Variants in YTHDF2 observed in about 807,000 individuals in gnomAD.
The protein encoded by YTHDF2 is YTH domain-containing family protein 2.
In YTHDF2, 2 loss-of-function variants were observed where a neutral mutation model predicts 50.4. The ratio of observed to expected loss-of-function variants is 0.04; its 90% confidence interval spans 0.02 to 0.12. The LOEUF (loss-of-function observed/expected upper bound fraction) is 0.12. YTHDF2 is among the 10% of genes least tolerant of loss of function. The pLI, the probability that YTHDF2 is intolerant of heterozygous loss-of-function variation, is 1.00. For synonymous variants in YTHDF2, 217 were observed against 255.6 expected, an observed-to-expected ratio of 0.85 and a Z score of 1.44; for missense variants, 483 against 722.6, an observed-to-expected ratio of 0.67 and a Z score of 3.80.
At chr1:28,758,260 G>A (rs2088064082) in intron 4 of YTHDF2, among the ~76,000 whole-genome samples, 1 of 152,028 alleles carries the variant, frequency 6.6e-6, no homozygotes, top group African/African-American at 2.4e-5. Context: ...TAGCTACCTG[G>A]GAGGCTGAGG....
chr1:28,737,228 C>A, intron 1 of YTHDF2, 81 bp downstream of exon 1: 1 of 1,477,312 alleles, frequency 6.8e-7, no homozygotes. Flanking sequence ...CGCTCCTGGG[C>A]AGGCCGAGCC....
intron 4 of YTHDF2, among the ~76,000 whole-genome samples, chr1:28,748,114 C>G (rs959492852): frequency 1.3e-5 from 2 of 148,582 alleles, no homozygotes; most frequent in African/African-American, 5.0e-5. Flanking sequence ...GGCGACAGAG[C>G]GAGACTCCAT....
chr1:28,768,785 T>C (rs2088259347), intron 4 of YTHDF2, 144 bp from the exon 5 acceptor site: 1 of 586,192 alleles, frequency 1.7e-6, no homozygotes, highest in East Asian at 3.3e-5. Flanking sequence ...TTTTTCTTTG[T>C]GGGGAATGTT....
chr1:28,740,499 T>A (rs537968196), intron 3 of YTHDF2: 1 of 152,338 alleles, frequency 6.6e-6, no homozygotes, highest in African/African-American at 2.4e-5. Flanking sequence ...TCTAGTTCAT[T>A]GTCTAGAGTA....
intron 4 of YTHDF2, among the ~76,000 whole-genome samples, chr1:28,755,840 T>A (rs1040730798): frequency 6.6e-6 from 1 of 152,152 alleles, no homozygotes; most frequent in Non-Finnish European, 1.5e-5. Flanking sequence ...TTAGGGTTGC[T>A]CAACCAGTAT....
Position 28,737,016 on chromosome 1 carries a change from C to T in YTHDF2, c.-105C>T. ...TGCGTCCGCCGAGGCCCCCGAGTGT[C>T]AGGGACAAAAGCCTCCGCCTGCTCC... On this transcript the variant is annotated 5_prime_UTR_variant, in exon 1 of 5. Coordinates refer to ENST00000373812, the MANE Select transcript of YTHDF2 (RefSeq NM_016258.3). 1 of 1,451,090 alleles carries T rather than the reference C, an allele frequency of 6.9e-7. No individual in the cohort carries two copies. Among genetic ancestry groups the T allele is most frequent in the Non-Finnish European group, 9.3e-7 (1 of 1,071,480 alleles). 89.9% of individuals were successfully genotyped at this position (1,451,090 alleles called of 1,614,324 possible). A position where few individuals can be genotyped will look rare whatever the true frequency, so the allele number is the denominator to read the frequency against.
At chr1:28,736,763 G>A (rs1346244193), upstream of YTHDF2, 2 of 292,224 alleles carry the variant, frequency 6.8e-6, no homozygotes, top group Non-Finnish European at 1.3e-5. Context: ...CGCAGCGGCC[G>A]GCCTCTCCCT....
intron 4 of YTHDF2, among the ~76,000 whole-genome samples, chr1:28,764,229 G>T (rs1303151028): frequency 1.3e-5 from 2 of 151,580 alleles, no homozygotes; most frequent in Non-Finnish European, 2.9e-5. Flanking sequence ...GGGATTACAG[G>T]CATGAGCCAC....
chr1:28,764,754 G>C (rs894561061), intron 4 of YTHDF2, among the ~76,000 whole-genome samples: 5 of 152,160 alleles, frequency 3.3e-5, no homozygotes. Context: ...TGTTGGCCAT[G>C]CTGGTCTCGA....
chr1:28,737,859 T>G, intron 2 of YTHDF2, 177 bp downstream of exon 2: 1 of 714,400 alleles, frequency 1.4e-6, no homozygotes, highest in Non-Finnish European at 2.3e-6. Context: ...GAACAGCTTT[T>G]TCGCTAACAA....
At chr1:28,741,803 C>T (rs2087781077) in intron 3 of YTHDF2, among the ~76,000 whole-genome samples, 1 of 152,064 alleles carries the variant, frequency 6.6e-6, no homozygotes, top group Non-Finnish European at 1.5e-5. Flanking sequence ...TTTTGTTATT[C>T]TTGTTTTATT....
At chr1:28,756,059 G>C (rs1311551064) in intron 4 of YTHDF2, among the ~76,000 whole-genome samples, 2 of 152,110 alleles carry the variant, frequency 1.3e-5, no homozygotes, top group Admixed American at 1.3e-4. Context: ...TGAAAGTTTT[G>C]ATCTCCGTAC....
At chr1:28,767,005 ATTT>A (rs549118209) in intron 4 of YTHDF2, among the ~76,000 whole-genome samples, 3 of 131,914 alleles carry the variant, frequency 2.3e-5, no homozygotes, top group African/African-American at 2.9e-5. Context: ...TAATTAAAAG[ATTT>A]TTTTTTTTTT....
chr1:28,744,627 G>A (rs921252792), intron 4 of YTHDF2, among the ~76,000 whole-genome samples: 6 of 152,176 alleles, frequency 3.9e-5, no homozygotes, highest in African/African-American at 1.4e-4. Flanking sequence ...GATTATAAGA[G>A]GATGATAAAA....
chr1:28,738,567 C>G (rs2087730541), intron 3 of YTHDF2, among the ~76,000 whole-genome samples: 1 of 152,174 alleles, frequency 6.6e-6, no homozygotes, highest in Non-Finnish European at 1.5e-5. Flanking sequence ...GTCTCAGCCT[C>G]CCGAGTAGGT....
intron 4 of YTHDF2, among the ~76,000 whole-genome samples, chr1:28,761,191 G>A (rs2088124302): frequency 7.1e-6 from 1 of 140,946 alleles, no homozygotes; most frequent in African/African-American, 2.7e-5. Flanking sequence ...CTGGAGTGTA[G>A]TGGCCTGATC....
intron 4 of YTHDF2, among the ~76,000 whole-genome samples, chr1:28,745,630 TAGG>T (rs2087845543): frequency 6.8e-6 from 1 of 147,678 alleles, no homozygotes; most frequent in South Asian, 2.1e-4. Flanking sequence ...GAGGCTGAGG[TAGG>T]AGAATCACTT....
intron 4 of YTHDF2, among the ~76,000 whole-genome samples, chr1:28,763,570 C>T (rs893555731): frequency 6.6e-6 from 1 of 152,140 alleles, no homozygotes; most frequent in Non-Finnish European, 1.5e-5. Flanking sequence ...ATTCTCCTGC[C>T]TTAGCCTCCT....
At chr1:28,763,347 C>T (rs968464977) in intron 4 of YTHDF2, among the ~76,000 whole-genome samples, 2 of 152,136 alleles carry the variant, frequency 1.3e-5, no homozygotes, top group African/African-American at 2.4e-5. Context: ...GACCTTGGCT[C>T]GCTGCAACCT....
Sources: allele counts gnomAD v4.1 joint callset (sites outside exome capture counted in the v4.1 genomes callset), GRCh38; gene constraint gnomAD v4.1.1; transcripts MANE v1.5; gene names NCBI Gene and HGNC (gene_info 2026-07-23, HGNC 2026-07-21).